Variants in PACRG observed in about 807,000 individuals in gnomAD.
PACRG encodes parkin coregulated, also known as parkin coregulated gene protein.
PACRG carries 29 observed loss-of-function variants against 29.7 expected under a neutral mutation model. That is an observed-to-expected ratio of 0.98 (90% CI 0.73 to 1.33). PACRG has a LOEUF of 1.33. Among genes scored for constraint, PACRG ranks in the 40% most tolerant of loss-of-function variants. The pLI is 0.00. For synonymous variants in PACRG, 116 were observed against 118.7 expected, an observed-to-expected ratio of 0.98 and a Z score of 0.15; for missense variants, 279 against 316.2, an observed-to-expected ratio of 0.88 and a Z score of 0.89.
rs1163658809 is a variant in PACRG at position 162,766,120 on chromosome 6, T to C, written c.156+37729T>C. Among the ~76,000 whole-genome samples the C allele has an allele frequency of 2.6e-5, 4 of 152,296 alleles. No homozygotes were observed. The East Asian group carries it at 7.7e-4, about 29-fold the overall frequency. The stretch of plus-strand genomic sequence containing the variant: ...TAGCTATTTAAAAATATGTAATACA[T>C]TATGATTAACTATAGTCACAGTGCT... On this transcript the variant is annotated intron_variant, in intron 1 of 4. Coordinates refer to ENST00000366888, the MANE Select transcript of PACRG (RefSeq NM_001080379.2).
At chr6:162,927,878 G>A (rs1797566697) in intron 2 of PACRG, among the ~76,000 whole-genome samples, 2 of 151,950 alleles carry the variant, frequency 1.3e-5, no homozygotes, top group African/African-American at 4.8e-5. Flanking sequence ...AAACTGGATC[G>A]TGGTGTACTA....
chr6:163,057,854 G>C (rs370209259), intron 2 of PACRG, among the ~76,000 whole-genome samples: 3 of 152,262 alleles, frequency 2.0e-5, no homozygotes, highest in African/African-American at 7.2e-5. Context: ...CCTTGTAAGA[G>C]AACCATTTAG....
chr6:163,160,424 A>G (rs1463294435), intron 4 of PACRG, among the ~76,000 whole-genome samples: 1 of 152,206 alleles, frequency 6.6e-6, no homozygotes, highest in East Asian at 1.9e-4. Context: ...AGTTAACTCA[A>G]GTATATTTGT....
chr6:162,825,077 T>C (rs1022300239), intron 2 of PACRG, among the ~76,000 whole-genome samples: 7 of 152,200 alleles, frequency 4.6e-5, no homozygotes, highest in African/African-American at 1.7e-4. Context: ...GTTTTTTTAA[T>C]TGCCATATTA....
At chr6:163,023,897 T>C (rs1402477923) in intron 2 of PACRG, among the ~76,000 whole-genome samples, 2 of 152,194 alleles carry the variant, frequency 1.3e-5, no homozygotes, top group Non-Finnish European at 2.9e-5. Context: ...TCTGTTCATG[T>C]TTTTTGCCCA....
chr6:163,234,557 C>T (rs1782161677), intron 4 of PACRG, among the ~76,000 whole-genome samples: 1 of 152,138 alleles, frequency 6.6e-6, no homozygotes, highest in Admixed American at 6.5e-5. Flanking sequence ...TAAAAATTAT[C>T]CAGCCTCGGC....
chr6:162,947,559 CA>C (rs1799230909), intron 2 of PACRG, among the ~76,000 whole-genome samples: 1 of 70,262 alleles, frequency 1.4e-5, no homozygotes, highest in African/African-American at 5.3e-5. Context: ...TATATATAAT[CA>C]TATATATATA....
At chr6:163,017,407 G>C (rs761226661) in intron 2 of PACRG, among the ~76,000 whole-genome samples, 4 of 152,128 alleles carry the variant, frequency 2.6e-5, no homozygotes. Flanking sequence ...ATAGGTCATC[G>C]TGAAGTACCC....
At position 162,947,590 on chromosome 6, in the gene PACRG, ATAAT is replaced by A. The variant is rs1453339226; in HGVS notation, c.292-114559_292-114556del. Among the ~76,000 whole-genome samples the A allele has an allele frequency of 3.7e-4, 29 of 77,904 alleles. 1 individual carries two copies. The highest frequency in any genetic ancestry group is 1.0e-3 in the East Asian group (3 of 2,968). 51.1% of individuals were successfully genotyped at this position (77,904 alleles called of 152,430 possible). ...TATATACTCATATATAATCATATAT[ATAAT>A]CATATATATATATAATCATATATAT... On this transcript the variant is annotated intron_variant, in intron 2 of 4. Coordinates refer to ENST00000366888, the MANE Select transcript of PACRG (RefSeq NM_001080379.2).
chr6:163,243,414 G>A (rs914840732), intron 4 of PACRG, among the ~76,000 whole-genome samples: 8 of 152,204 alleles, frequency 5.3e-5, no homozygotes, highest in Non-Finnish European at 1.2e-4. Flanking sequence ...GTACCCAAGC[G>A]TATGCCTGCA....
Position 162,945,106 on chromosome 6 carries a change from T to C in PACRG, c.292-117044T>C, listed in dbSNP as rs1002005768. ...ACATTAACAGAGAAAAAAAAAGATA[T>C]AGAAAACAAGCAGAAATCAATTAAT... On this transcript the variant is annotated intron_variant, in intron 2 of 4. Transcript: ENST00000366888. Among the ~76,000 whole-genome samples, 7 of 151,624 alleles carry C rather than the reference T, an allele frequency of 4.6e-5. No individual in the cohort carries two copies. The East Asian group carries it at 5.8e-4, about 13-fold the overall frequency.
chr6:162,849,311 G>A (rs1037873355), intron 2 of PACRG, among the ~76,000 whole-genome samples: 2 of 152,188 alleles, frequency 1.3e-5, no homozygotes, highest in African/African-American at 2.4e-5. Flanking sequence ...AGACGAGCAC[G>A]GAGACAGGGG....
chr6:162,774,656 C>A (rs771384144), intron 1 of PACRG, among the ~76,000 whole-genome samples: 3 of 152,150 alleles, frequency 2.0e-5, no homozygotes, highest in Non-Finnish European at 2.9e-5. Flanking sequence ...GTTTCATTGT[C>A]TCCATCTCTA....
At chr6:162,728,792 C>T (rs1403082924) in intron 1 of PACRG, among the ~76,000 whole-genome samples, 2 of 152,166 alleles carry the variant, frequency 1.3e-5, no homozygotes, top group Non-Finnish European at 2.9e-5. Context: ...AGCTGATATA[C>T]AACCGGGAAC....
chr6:163,089,435 CTTT>C (rs1203924220), intron 4 of PACRG, 27 bp downstream of exon 4: 3 of 1,604,040 alleles, frequency 1.9e-6, no homozygotes, highest in Admixed American at 1.7e-5. Flanking sequence ...GTCAAAATGT[CTTT>C]TAAGCCAAAG....
intron 4 of PACRG, among the ~76,000 whole-genome samples, chr6:163,294,349 GC>G (rs1281659158): frequency 6.6e-6 from 1 of 151,920 alleles, no homozygotes; most frequent in Non-Finnish European, 1.5e-5. Flanking sequence ...CACTAAAAAA[GC>G]ATATTACAGA....
intron 2 of PACRG, among the ~76,000 whole-genome samples, chr6:162,946,459 G>C (rs1799015832): frequency 6.6e-6 from 1 of 151,930 alleles, no homozygotes; most frequent in South Asian, 2.1e-4. Context: ...TACAAAACCT[G>C]AACAGACTGG....
chr6:162,877,752 G>A (rs1257425800), intron 2 of PACRG, among the ~76,000 whole-genome samples: 3 of 152,114 alleles, frequency 2.0e-5, no homozygotes, highest in Non-Finnish European at 4.4e-5. Context: ...ATAGTGCAAC[G>A]TTCCTTGGTT....
At chr6:163,285,967 G>A (rs921599678) in intron 4 of PACRG, among the ~76,000 whole-genome samples, 2 of 152,162 alleles carry the variant, frequency 1.3e-5, no homozygotes, top group Non-Finnish European at 2.9e-5. Flanking sequence ...TGAACTTGGA[G>A]GAAAATGCTC....
Sources: gnomAD v4.1 joint callset for allele counts (sites outside exome capture counted in the v4.1 genomes callset) on GRCh38, gnomAD v4.1.1 for gene constraint, MANE v1.5 for transcripts, NCBI Gene and HGNC (gene_info 2026-07-23, HGNC 2026-07-21) for gene names.